MGMT: variants seen among roughly 807,000 people sequenced by gnomAD.
The protein encoded by MGMT is methylated-DNA--protein-cysteine methyltransferase.
Under a neutral mutation model 15.9 loss-of-function variants are expected in MGMT, and 14 were observed. That is an observed-to-expected ratio of 0.88 (90% CI 0.58 to 1.37). The LOEUF is 1.37. Ranked by LOEUF, MGMT falls within the 40% of genes most tolerant of loss-of-function variation. The pLI, the probability that MGMT is intolerant of heterozygous loss-of-function variation, is 0.00. For missense variants in MGMT, 282 were observed against 268.1 expected, an observed-to-expected ratio of 1.05 and a Z score of -0.36; for synonymous variants, 130 against 118.2, an observed-to-expected ratio of 1.10 and a Z score of -0.65.
chr10:129,529,820 TG>T (rs1182886483), intron 1 of MGMT, among the ~76,000 whole-genome samples: 2 of 152,310 alleles, frequency 1.3e-5, no homozygotes, highest in East Asian at 3.9e-4. Context: ...AGCTTTTTTT[TG>T]TATGTTATAT....
chr10:129,657,415 G>A (rs950771813), intron 2 of MGMT, among the ~76,000 whole-genome samples: 9 of 150,264 alleles, frequency 6.0e-5, no homozygotes, highest in African/African-American at 2.2e-4. Flanking sequence ...GGGTGGGGGG[G>A]GGAGCAACAA....
rs1032917360 is a variant in MGMT at position 129,769,970 on chromosome 10, C to G, written c.*2973C>G. 1.3e-5 allele frequency among the ~76,000 whole-genome samples: 2 copies of G among 152,194 alleles called. No homozygotes were observed. The highest frequency in any genetic ancestry group is 2.9e-5 in the Non-Finnish European group (2 of 68,048). ...GCGTTGCAGAGGAAGTGGGCAAGCT[C>G]ACCTTGTAGAGAACTTACTTGGGGT... On this transcript the variant is annotated 3_prime_UTR_variant, in exon 5 of 5. Transcript: ENST00000651593.
chr10:129,529,860 T>C (rs1276537790), intron 1 of MGMT, among the ~76,000 whole-genome samples: 1 of 152,152 alleles, frequency 6.6e-6, no homozygotes, highest in Admixed American at 6.6e-5. Flanking sequence ...TTTGGGGTAC[T>C]CTTTATTTCT....
At chr10:129,651,707 G>T (rs922383980) in intron 2 of MGMT, among the ~76,000 whole-genome samples, 5 of 152,098 alleles carry the variant, frequency 3.3e-5, no homozygotes, top group African/African-American at 9.7e-5. Context: ...GGCCCTGTTG[G>T]ATTGTCTCCA....
At chr10:129,535,586 C>G (rs1845975897) in intron 1 of MGMT, among the ~76,000 whole-genome samples, 1 of 152,200 alleles carries the variant, frequency 6.6e-6, no homozygotes, top group South Asian at 2.1e-4. Context: ...CTCCTGAGTT[C>G]AAGTGATCTT....
Position 129,737,508 on chromosome 10 carries a change from C to T in MGMT, c.275-21694C>T, listed in dbSNP as rs950786742. Among the ~76,000 whole-genome samples the T allele has an allele frequency of 4.6e-5, 7 of 152,098 alleles. No individual in the cohort carries two copies. The South Asian group carries it at 6.2e-4, about 14-fold the overall frequency. ...TTTGCCTTTGGTTTGAATGTCCTCC[C>T]GTAGCTCGGAGTAATTTGATCGTCT... On this transcript the variant is annotated intron_variant, in intron 3 of 4. Coordinates refer to ENST00000651593, the MANE Select transcript of MGMT (RefSeq NM_002412.5).
At chr10:129,524,582 CTTTTTTTTTT>C (rs66701664) in intron 1 of MGMT, among the ~76,000 whole-genome samples, 9 of 68,070 alleles carry the variant, frequency 1.3e-4, no homozygotes, top group African/African-American at 4.4e-4. Context: ...TCCAAAAAGA[CTTTTTTTTTT>C]TTTTTTTTTT....
chr10:129,583,298 TAAAG>T (rs1846578917), intron 2 of MGMT, among the ~76,000 whole-genome samples: 1 of 152,146 alleles, frequency 6.6e-6, no homozygotes, highest in Non-Finnish European at 1.5e-5. Flanking sequence ...AACATAAAAA[TAAAG>T]ACCCATTATC....
At chr10:129,618,192 A>T (rs1318095163) in intron 2 of MGMT, among the ~76,000 whole-genome samples, 4 of 152,110 alleles carry the variant, frequency 2.6e-5, no homozygotes, top group African/African-American at 9.6e-5. Context: ...AACTTTTTTT[A>T]AAAAGGATTT....
rs565807882 is a variant in MGMT, at chr10:129,577,370, G to C, written c.125+40993G>C. On this transcript the variant is annotated intron_variant, in intron 2 of 4. Coordinates refer to ENST00000651593, the MANE Select transcript of MGMT (RefSeq NM_002412.5). ...CCAATGGAACAGAACAGAGCCCTCA[G>C]AAATAATGCCACATATCTACAACTA... Among the ~76,000 whole-genome samples the C allele has an allele frequency of 2.0e-5, 3 of 152,256 alleles. No individual in the cohort carries two copies. The East Asian group carries it at 5.8e-4, about 29-fold the overall frequency.
rs528509937 is a variant in MGMT at position 129,499,900 on chromosome 10, G to A, written c.-13+32604G>A. Among the ~76,000 whole-genome samples the A allele has an allele frequency of 1.8e-4, 27 of 152,280 alleles. 1 individual carries two copies. In the South Asian group the frequency reaches 4.1e-3, roughly 23 times the overall value. The stretch of plus-strand genomic sequence containing the variant: ...TACATCCTTATGTCAGTTTTCACCC[G>A]ATGACTGAAAATTGTTGGATATATG... On this transcript the variant is annotated intron_variant, in intron 1 of 4. Transcript: ENST00000651593.
At chr10:129,743,127 G>A (rs1484871270) in intron 3 of MGMT, among the ~76,000 whole-genome samples, 3 of 152,140 alleles carry the variant, frequency 2.0e-5, no homozygotes, top group Non-Finnish European at 4.4e-5. Flanking sequence ...GAGCGGGGCG[G>A]GTCGTTACTG....
At chr10:129,521,373 G>C (rs1402656020) in intron 1 of MGMT, among the ~76,000 whole-genome samples, 1 of 152,190 alleles carries the variant, frequency 6.6e-6, no homozygotes, top group Non-Finnish European at 1.5e-5. Context: ...GCCTCTTGGT[G>C]GGAGTCACTG....
rs933866917 is a variant in MGMT, at chr10:129,688,775, C to G, written c.126-19120C>G. Among the ~76,000 whole-genome samples, 131 of 152,072 alleles carry G rather than the reference C, an allele frequency of 8.6e-4. 2 individuals carry two copies. The highest frequency in any genetic ancestry group is 8.6e-3 in the Admixed American group (131 of 15,272). The stretch of plus-strand genomic sequence containing the variant: ...AATGGTATCTAATTAAACTAAAGAA[C>G]AACGTTTTTATTCTGTATCATCAAG... On this transcript the variant is annotated intron_variant, in intron 2 of 4. Transcript: ENST00000651593.
At chr10:129,710,691 G>A (rs2133145138) in intron 3 of MGMT, among the ~76,000 whole-genome samples, 1 of 152,266 alleles carries the variant, frequency 6.6e-6, no homozygotes, top group Non-Finnish European at 1.5e-5. Flanking sequence ...TGTCCAGGTT[G>A]TTATCTTGTA....
At chr10:129,565,009 C>T (rs932432540) in intron 2 of MGMT, among the ~76,000 whole-genome samples, 1 of 152,180 alleles carries the variant, frequency 6.6e-6, no homozygotes, top group African/African-American at 2.4e-5. Context: ...AGATTAAAGC[C>T]TTCATGAAAA....
At chr10:129,564,209 CT>C (rs1846315218) in intron 2 of MGMT, 1 of 92,588 alleles carries the variant, frequency 1.1e-5, no homozygotes. Flanking sequence ...TCTTCCTCCT[CT>C]CCCCCTCCTT....
At chr10:129,587,456 C>G (rs1279548614) in intron 2 of MGMT, among the ~76,000 whole-genome samples, 1 of 146,986 alleles carries the variant, frequency 6.8e-6, no homozygotes, top group Non-Finnish European at 1.5e-5. Flanking sequence ...TGATTTTAAT[C>G]CATAAAAATT....
Position 129,520,955 on chromosome 10 carries a change from A to G in MGMT, c.-12-15286A>G, listed in dbSNP as rs548043160. Among the ~76,000 whole-genome samples the G allele has an allele frequency of 2.8e-5, 4 of 144,494 alleles. No homozygotes were observed. In the South Asian group the frequency reaches 8.9e-4, roughly 32 times the overall value. The allele number at this position is 144,494 out of a possible 152,430, so 94.8% of individuals were successfully genotyped here. ...GGTACACAGCCCCTAAGGTGTGCCT[A>G]CAGAGCCCCTACGGTGAGGGTGCAG... is the stretch of plus-strand genomic sequence containing the variant. On this transcript the variant is annotated intron_variant, in intron 1 of 4. Transcript: ENST00000651593.
Sources: gnomAD v4.1 joint callset for allele counts (sites outside exome capture counted in the v4.1 genomes callset) on GRCh38, gnomAD v4.1.1 for gene constraint, MANE v1.5 for transcripts, NCBI Gene and HGNC (gene_info 2026-07-23, HGNC 2026-07-21) for gene names.